Variants in PDE1C observed in about 807,000 individuals in gnomAD.
PDE1C encodes phosphodiesterase 1C.
Under a neutral mutation model 93.1 loss-of-function variants are expected in PDE1C, and 62 were observed. The observed-to-expected ratio is 0.67, with a 90% CI of 0.54 to 0.82. PDE1C has a LOEUF of 0.82. PDE1C is among the 40% of genes least tolerant of loss of function. PDE1C has a pLI of 0.00. For synonymous variants in PDE1C, 325 were observed against 310.1 expected (o/e 1.05, Z -0.50); for missense variants, 742 against 884.6 (o/e 0.84, Z 2.04).
At chr7:32,188,033 C>G (rs994057914) in intron 2 of PDE1C, among the ~76,000 whole-genome samples, 1 of 152,020 alleles carries the variant, frequency 6.6e-6, no homozygotes, top group Admixed American at 6.5e-5. Context: ...TACACAAGAA[C>G]AACAACTTAG....
chr7:32,028,886 T>C (rs185503333), intron 2 of PDE1C, among the ~76,000 whole-genome samples: 5 of 152,258 alleles, frequency 3.3e-5, no homozygotes, highest in African/African-American at 1.2e-4. Context: ...TTCTATTATC[T>C]GCTTCTATGA....
chr7:31,743,592 C>T, the PDE1C span, among the ~76,000 whole-genome samples: 1 of 151,764 alleles, frequency 6.6e-6, no homozygotes, highest in Non-Finnish European at 1.5e-5. Context: ...CACACACACA[C>T]ACCAATTCTG....
At chr7:31,906,160 A>G (rs748393965) in intron 2 of PDE1C, among the ~76,000 whole-genome samples, 13 of 152,330 alleles carry the variant, frequency 8.5e-5, no homozygotes, top group Non-Finnish European at 1.6e-4. Flanking sequence ...ATTTGAAACC[A>G]TTATCTAACG....
At chr7:31,763,867 G>T (rs1794979065) in intron 17 of PDE1C, among the ~76,000 whole-genome samples, 1 of 151,970 alleles carries the variant, frequency 6.6e-6, no homozygotes, top group Admixed American at 6.6e-5. Flanking sequence ...ACACAATGAA[G>T]AGATTAACTT....
the PDE1C span, chr7:31,643,104 C>G: frequency 1.2e-6 from 2 of 1,613,970 alleles, no homozygotes; most frequent in Non-Finnish European, 1.7e-6. Context: ...AAATGCAGGA[C>G]AGTTTTGTGA....
chr7:31,907,823 A>G (rs1800780570), intron 2 of PDE1C, among the ~76,000 whole-genome samples: 2 of 152,176 alleles, frequency 1.3e-5, no homozygotes, highest in African/African-American at 4.8e-5. Context: ...ATGCTTGTAC[A>G]GAGTAATTTA....
the PDE1C span, among the ~76,000 whole-genome samples, chr7:31,620,170 C>G: frequency 1.3e-5 from 2 of 152,182 alleles, no homozygotes; most frequent in African/African-American, 4.8e-5. Flanking sequence ...GGCTCCACCT[C>G]TGGGGGCAGG....
the PDE1C span, among the ~76,000 whole-genome samples, chr7:31,676,373 T>C: frequency 2.0e-5 from 3 of 152,200 alleles, no homozygotes; most frequent in African/African-American, 7.2e-5. Flanking sequence ...GAGCATTCTC[T>C]GACCCCAGTG....
intron 3 of PDE1C, among the ~76,000 whole-genome samples, chr7:32,130,733 G>A (rs1319602195): frequency 6.6e-6 from 1 of 151,996 alleles, no homozygotes; most frequent in Non-Finnish European, 1.5e-5. Context: ...CTCTGGTGCA[G>A]GAGATAATGA....
intron 11 of PDE1C, among the ~76,000 whole-genome samples, chr7:31,830,195 G>A (rs758397564): frequency 6.1e-5 from 9 of 148,494 alleles, no homozygotes; most frequent in African/African-American, 9.9e-5. Context: ...ATATACTTAC[G>A]AATTGAAAAA....
the PDE1C span, among the ~76,000 whole-genome samples, chr7:31,688,505 C>T: frequency 3.3e-5 from 5 of 152,356 alleles, no homozygotes; most frequent in East Asian, 7.7e-4. Flanking sequence ...CGCTGGTGTG[C>T]CTGCCTTTCT....
Position 32,132,248 on chromosome 7 carries a change from G to A in PDE1C, c.308+37537C>T, listed in dbSNP as rs1799960286. ...AGCAAGCAGCAAACGGGATCCAGGT[G>A]GGAGCCAGCCATGGACAACCTCCTA... On this transcript the variant is annotated intron_variant, in intron 3 of 18. Coordinates refer to the PDE1C transcript ENST00000396193. 1.3e-5 allele frequency among the ~76,000 whole-genome samples: 2 copies of A among 152,148 alleles called. 1 individual carries two copies. The highest frequency in any genetic ancestry group is 4.1e-4 in the South Asian group (2 of 4,834).
chr7:31,991,747 G>A (rs1265103016), intron 2 of PDE1C, among the ~76,000 whole-genome samples: 2 of 152,156 alleles, frequency 1.3e-5, no homozygotes, highest in East Asian at 3.8e-4. Flanking sequence ...TATGTGTGTG[G>A]TATGTATAAA....
At chr7:31,932,054 AC>A in intron 2 of PDE1C, among the ~76,000 whole-genome samples, 1 of 152,218 alleles carries the variant, frequency 6.6e-6, no homozygotes, top group East Asian at 1.9e-4. Context: ...TACACCTTAT[AC>A]AAAAATTAAC....
intron 2 of PDE1C, among the ~76,000 whole-genome samples, chr7:31,992,605 C>A (rs1295581478): frequency 6.6e-6 from 1 of 152,122 alleles, no homozygotes; most frequent in Non-Finnish European, 1.5e-5. Context: ...TGGGAGGGTA[C>A]CTCCAACAAA....
At chr7:32,024,938 T>A (rs1002085041) in intron 2 of PDE1C, among the ~76,000 whole-genome samples, 2 of 152,058 alleles carry the variant, frequency 1.3e-5, no homozygotes, top group African/African-American at 4.8e-5. Context: ...AAAAGAACAC[T>A]GGAAAAGTGA....
At chr7:32,231,949 A>G (rs577370873) in intron 1 of PDE1C, among the ~76,000 whole-genome samples, 2 of 119,334 alleles carry the variant, frequency 1.7e-5, no homozygotes, top group East Asian at 4.9e-4. Flanking sequence ...AAACAAATAA[A>G]TATGTGTATA....
At chr7:31,773,347 C>A (rs1224968426) in intron 17 of PDE1C, among the ~76,000 whole-genome samples, 1 of 151,994 alleles carries the variant, frequency 6.6e-6, no homozygotes, top group African/African-American at 2.4e-5. Context: ...GCCTTGGGAA[C>A]CCAGTGGCCA....
chr7:32,384,143 C>T (rs1784583670), intron 1 of PDE1C, among the ~76,000 whole-genome samples: 1 of 152,108 alleles, frequency 6.6e-6, no homozygotes, highest in Non-Finnish European at 1.5e-5. Flanking sequence ...TGGAGCTCAC[C>T]AGGTATTTAA....
Sources: allele counts gnomAD v4.1 joint callset (sites outside exome capture counted in the v4.1 genomes callset), GRCh38; gene constraint gnomAD v4.1.1; transcripts MANE v1.5; gene names NCBI Gene and HGNC (gene_info 2026-07-23, HGNC 2026-07-21).